The following TENM2 variants were observed in gnomAD, a reference collection of about 807,000 sequenced individuals.
The protein encoded by TENM2 is teneurin transmembrane protein 2.
In TENM2, 52 loss-of-function variants were observed where a neutral mutation model predicts 245.2. The ratio of observed to expected loss-of-function variants is 0.21; its 90% CI spans 0.17 to 0.27. The LOEUF (loss-of-function observed/expected upper bound fraction) is 0.27. Ranked by LOEUF, TENM2 falls within the 10% of genes least tolerant of loss-of-function variation. The probability of loss-of-function intolerance (pLI) is 1.00; values close to 1 mark genes in which losing one functional copy is unlikely to be tolerated. For synonymous variants in TENM2, 1,363 were observed against 1,438.9 expected (o/e 0.95, Z 1.19); for missense variants, 3,046 against 3,666.8 (o/e 0.83, Z 4.37).
the TENM2 span, among the ~76,000 whole-genome samples, chr5:167,260,904 T>C: frequency 6.6e-6 from 1 of 152,196 alleles, no homozygotes; most frequent in South Asian, 2.1e-4. Flanking sequence ...AATGTGTTCA[T>C]TGCTGGTTCT....
chr5:167,506,123 AGTG>A (rs1769530441), intron 2 of TENM2, among the ~76,000 whole-genome samples: 2 of 152,232 alleles, frequency 1.3e-5, no homozygotes, highest in African/African-American at 4.8e-5. Flanking sequence ...ACAGCATGGC[AGTG>A]GTTTGCTGTG....
At chr5:167,494,495 A>G (rs1582200522) in intron 2 of TENM2, among the ~76,000 whole-genome samples, 3 of 152,100 alleles carry the variant, frequency 2.0e-5, no homozygotes, top group Non-Finnish European at 2.9e-5. Context: ...ATATTATAGA[A>G]TTGCTTGCTC....
intron 2 of TENM2, among the ~76,000 whole-genome samples, chr5:167,852,425 A>T (rs1770668737): frequency 6.6e-6 from 1 of 152,254 alleles, no homozygotes; most frequent in South Asian, 2.1e-4. Flanking sequence ...ATATCTCCTC[A>T]TTATGGAATC....
intron 2 of TENM2, among the ~76,000 whole-genome samples, chr5:167,522,516 G>GA (rs200757295): frequency 0.013 from 2,048 of 152,064 alleles, 45 homozygotes; most frequent in African/African-American, 0.047. Flanking sequence ...TCCCATTTGT[G>GA]AAATGAGGGC....
chr5:167,930,573 T>C (rs1389021093), intron 3 of TENM2, among the ~76,000 whole-genome samples: 1 of 151,930 alleles, frequency 6.6e-6, no homozygotes, highest in Non-Finnish European at 1.5e-5. Context: ...CTCCAGGAAT[T>C]AAATGATCCT....
intron 2 of TENM2, among the ~76,000 whole-genome samples, chr5:167,628,777 A>G (rs999049427): frequency 2.2e-4 from 33 of 152,208 alleles, no homozygotes; most frequent in Non-Finnish European, 1.0e-4. Flanking sequence ...CCTTTTAAGA[A>G]TACCTTGCAG....
chr5:167,728,481 G>C (rs532638317), intron 2 of TENM2, among the ~76,000 whole-genome samples: 1 of 135,738 alleles, frequency 7.4e-6, no homozygotes, highest in African/African-American at 3.0e-5. Flanking sequence ...ATGGTGGTGC[G>C]TGCCTATGGT....
chr5:167,132,893 T>C, the TENM2 span, among the ~76,000 whole-genome samples: 1 of 152,236 alleles, frequency 6.6e-6, no homozygotes, highest in Non-Finnish European at 1.5e-5. Context: ...AGATGTTCAC[T>C]CCTCTCTGCC....
chr5:167,189,460 TC>T, the TENM2 span, among the ~76,000 whole-genome samples: 1 of 152,090 alleles, frequency 6.6e-6, no homozygotes, highest in Non-Finnish European at 1.5e-5. Context: ...GTTTCTTTTT[TC>T]TCTCTTCCTT....
chr5:168,111,229 T>A (rs1794644164), intron 9 of TENM2, among the ~76,000 whole-genome samples: 1 of 152,244 alleles, frequency 6.6e-6, no homozygotes, highest in African/African-American at 2.4e-5. Context: ...CTTCCCTGAA[T>A]CACTTTCTTG....
At chr5:167,331,099 G>A (rs1164621442) in intron 1 of TENM2, among the ~76,000 whole-genome samples, 1 of 151,828 alleles carries the variant, frequency 6.6e-6, no homozygotes, top group African/African-American at 2.4e-5. Context: ...AGCTGGGCAT[G>A]GTGGCACGTG....
Position 167,335,073 on chromosome 5 carries a change from A to G in TENM2, c.227-40125A>G, listed in dbSNP as rs1217997906. Among the ~76,000 whole-genome samples the G allele has an allele frequency of 1.3e-5, 2 of 152,176 alleles. 1 individual carries two copies. The highest frequency in any genetic ancestry group is 4.1e-4 in the South Asian group (2 of 4,834). Reference sequence around the variant, plus strand: ...AAATACCTGAGATAAAGTAAGGAAAAGAAAAGAAAAGATGTTTAAGTGGCT... The same window carrying G: ...AAATACCTGAGATAAAGTAAGGAAAGGAAAAGAAAAGATGTTTAAGTGGCT... On this transcript the variant is annotated intron_variant, in intron 1 of 28. Coordinates refer to ENST00000518659, the Ensembl canonical transcript of TENM2.
intron 2 of TENM2, among the ~76,000 whole-genome samples, chr5:167,640,892 T>TATGG (rs1561629144): frequency 4.2e-5 from 4 of 96,244 alleles, no homozygotes; most frequent in African/African-American, 1.7e-4. Flanking sequence ...TATATATATA[T>TATGG]ATATATATAT....
intron 3 of TENM2, among the ~76,000 whole-genome samples, chr5:167,877,503 C>A (rs1001413170): frequency 7.2e-5 from 11 of 152,200 alleles, no homozygotes; most frequent in Non-Finnish European, 1.2e-4. Flanking sequence ...ATCAGAGCTT[C>A]TAGTTTGAGA....
intron 2 of TENM2, among the ~76,000 whole-genome samples, chr5:167,831,967 T>C (rs1768534412): frequency 6.8e-6 from 1 of 147,294 alleles, no homozygotes; most frequent in African/African-American, 2.5e-5. Context: ...ATGATGCCAA[T>C]TGAGAGAGAA....
chr5:168,019,652 A>G (rs781627431), intron 5 of TENM2, among the ~76,000 whole-genome samples: 2 of 152,254 alleles, frequency 1.3e-5, no homozygotes, highest in African/African-American at 2.4e-5. Context: ...TCCTGTTCCT[A>G]TAATGTACAA....
chr5:168,049,910 C>T (rs1352219555), intron 6 of TENM2, among the ~76,000 whole-genome samples: 1 of 152,174 alleles, frequency 6.6e-6, no homozygotes, highest in Non-Finnish European at 1.5e-5. Context: ...TCAAGCAATT[C>T]TCCTGCCTCA....
At chr5:167,580,157 C>T (rs1178087698) in intron 2 of TENM2, among the ~76,000 whole-genome samples, 2 of 152,210 alleles carry the variant, frequency 1.3e-5, no homozygotes, top group Admixed American at 6.5e-5. Context: ...CTTGACTCCC[C>T]TGTCTTTTTC....
At chr5:167,330,134 T>G (rs1215151413) in intron 1 of TENM2, among the ~76,000 whole-genome samples, 1 of 152,172 alleles carries the variant, frequency 6.6e-6, no homozygotes, top group African/African-American at 2.4e-5. Flanking sequence ...CCTTATAGTA[T>G]AAAAGAACAT....
Sources: allele counts gnomAD v4.1 joint callset (sites outside exome capture counted in the v4.1 genomes callset), GRCh38; gene constraint gnomAD v4.1.1; transcripts MANE v1.5; gene names NCBI Gene and HGNC (gene_info 2026-07-23, HGNC 2026-07-21).